Variants in C12orf50 observed in about 807,000 individuals in gnomAD.
C12orf50 encodes the protein zinc finger CCCH-type containing 11D.
In C12orf50, 35 loss-of-function variants were observed where a neutral mutation model predicts 61.6. The observed-to-expected ratio is 0.57, with a 90% CI of 0.43 to 0.75. C12orf50 has a LOEUF of 0.75. Among genes scored for constraint, C12orf50 ranks in the 30% least tolerant of loss-of-function variants. The pLI, the probability that C12orf50 is intolerant of heterozygous loss-of-function variation, is 0.00. For synonymous variants in C12orf50, 178 were observed against 161.5 expected (o/e 1.10, Z -0.77); for missense variants, 475 against 488.5 (o/e 0.97, Z 0.26).
At chr12:87,986,141 C>G in intron 10 of C12orf50, 88 bp from the exon 11 acceptor site, 1 of 1,443,728 alleles carries the variant, frequency 6.9e-7, no homozygotes, top group East Asian at 2.3e-5. Context: ...TACTTCATAG[C>G]ATAATGGAAG....
chr12:88,006,988 C>G (rs76119994), intron 3 of C12orf50, among the ~76,000 whole-genome samples: 7,576 of 152,198 alleles, frequency 0.05, 603 homozygotes, highest in African/African-American at 0.17. Flanking sequence ...GCCCTTAGGA[C>G]AATTTCTTAA....
chr12:87,997,380 C>T (rs2031443202), intron 4 of C12orf50, among the ~76,000 whole-genome samples: 1 of 151,564 alleles, frequency 6.6e-6, no homozygotes, highest in Non-Finnish European at 1.5e-5. Context: ...CTATAAGCAT[C>T]TGTAGATATA....
At chr12:87,995,768 G>T (rs946570241) in intron 6 of C12orf50, among the ~76,000 whole-genome samples, 2 of 152,022 alleles carry the variant, frequency 1.3e-5, no homozygotes, top group Admixed American at 6.6e-5. Context: ...GCTCTTCTCC[G>T]TCTGATGGTG....
intron 6 of C12orf50, among the ~76,000 whole-genome samples, chr12:87,995,283 A>C (rs987095305): frequency 6.6e-6 from 1 of 152,146 alleles, no homozygotes; most frequent in Non-Finnish European, 1.5e-5. Context: ...TAGGGGAAAA[A>C]ATTTATTTTA....
intron 12 of C12orf50, among the ~76,000 whole-genome samples, chr12:87,981,926 C>T (rs111783125): frequency 0.012 from 1,755 of 152,222 alleles, 16 homozygotes; most frequent in Non-Finnish European, 0.018. Context: ...ACAGCCATAC[C>T]TCTATGCATT....
intron 3 of C12orf50, among the ~76,000 whole-genome samples, chr12:88,025,502 G>T (rs183882118): frequency 3.8e-4 from 58 of 152,272 alleles, no homozygotes; most frequent in Non-Finnish European, 6.6e-4. Flanking sequence ...AGTGTTATTG[G>T]CAGTCAGCAG....
In C12orf50 at chr12:87,989,343, G is replaced by A. The variant is rs144364566; in HGVS notation, c.621C>T (p.Val207=). 1.4e-3 allele frequency: 2,241 copies of A among 1,611,656 alleles called. 5 individuals carry two copies. Among genetic ancestry groups the A allele is most frequent in the Non-Finnish European group, 1.8e-3 (2,144 of 1,178,600 alleles). The change falls in exon 8 of 13, where the codon GTC becomes GTT. Residue 207 remains valine, a synonymous_variant. Coordinates refer to ENST00000298699, the MANE Select transcript of C12orf50 (RefSeq NM_152589.3). ...CACTTTCATCGACTCCAAGAAATAT[G>A]ACCCTCTGTGGAACATAACAGTCAC... ...GGGDCYVPQR[V]IFLGVDESEA...
At chr12:87,995,200 T>C (rs2031327520) in intron 6 of C12orf50, among the ~76,000 whole-genome samples, 1 of 152,114 alleles carries the variant, frequency 6.6e-6, no homozygotes, top group Non-Finnish European at 1.5e-5. Flanking sequence ...TCTTCTAAAA[T>C]AAACTATTAA....
At chr12:88,025,549 C>T (rs2032669822) in intron 3 of C12orf50, among the ~76,000 whole-genome samples, 1 of 152,128 alleles carries the variant, frequency 6.6e-6, no homozygotes. Context: ...ATGAATTTAA[C>T]CCAACCAGCA....
intron 3 of C12orf50, among the ~76,000 whole-genome samples, chr12:88,019,078 C>T (rs1179715829): frequency 6.6e-6 from 1 of 151,906 alleles, no homozygotes; most frequent in African/African-American, 2.4e-5. Flanking sequence ...TGGGAGGGGC[C>T]AGGGATGGAA....
At position 88,021,692 on chromosome 12, in the gene C12orf50, T is replaced by C. The variant is rs148673180; in HGVS notation, c.133+4796A>G. 6.7e-4 allele frequency among the ~76,000 whole-genome samples: 102 copies of C among 151,288 alleles called. 1 individual carries two copies. The highest frequency in any genetic ancestry group is 1.0e-4 in the Non-Finnish European group (7 of 67,836). On this transcript the variant is annotated intron_variant, in intron 3 of 12. Transcript: ENST00000298699. ...CTGACCCCACAGAAATACAAAAACC[T>C]ATCAGACACTACTATAAACACCTCT...
intron 7 of C12orf50, among the ~76,000 whole-genome samples, chr12:87,989,719 G>A (rs1158028704): frequency 6.6e-6 from 1 of 151,890 alleles, no homozygotes; most frequent in Non-Finnish European, 1.5e-5. Context: ...TATTAAAGCA[G>A]TTTCCATATT....
At chr12:88,023,326 C>T (rs1235260842) in intron 3 of C12orf50, among the ~76,000 whole-genome samples, 1 of 151,988 alleles carries the variant, frequency 6.6e-6, no homozygotes, top group Non-Finnish European at 1.5e-5. Flanking sequence ...GGAAACTGAA[C>T]CCCTACCTTA....
In C12orf50 at chr12:87,994,564, A is replaced by C. The variant is rs892768251; in HGVS notation, c.592+69T>G. ...GACAAAAAAAGAAAATTAGTTGTAAAAGATAAAATTCAGACTCATTTATTA... is the reference window on the plus strand; with the variant it reads ...GACAAAAAAAGAAAATTAGTTGTAACAGATAAAATTCAGACTCATTTATTA... On this transcript the variant is annotated intron_variant, in intron 7 of 12. Transcript: ENST00000298699. 2.6e-6 allele frequency: 3 copies of C among 1,135,884 alleles called. No homozygotes were observed. The African/African-American group carries it at 4.7e-5, about 18-fold the overall frequency. The allele number at this position is 1,135,884 out of a possible 1,614,324, so 70.4% of individuals were successfully genotyped here.
intron 3 of C12orf50, among the ~76,000 whole-genome samples, chr12:87,998,646 T>C (rs1209889161): frequency 6.6e-6 from 1 of 152,190 alleles, no homozygotes; most frequent in Non-Finnish European, 1.5e-5. Flanking sequence ...AAAATCCCAA[T>C]GGACTTATTT....
At position 88,026,987 on chromosome 12, in the gene C12orf50, T is replaced by G. The variant is rs1324023292; in HGVS notation, c.-25A>C. ...TGTGTCTAAATCTGCAAAGTGGATC[T>G]AAACATTTCCTCTCTCTCCATAATG... On this transcript the variant is annotated 5_prime_UTR_variant, in exon 2 of 13. Coordinates refer to ENST00000298699, the MANE Select transcript of C12orf50 (RefSeq NM_152589.3). 1.9e-6 allele frequency: 3 copies of G among 1,613,922 alleles called. No individual in the cohort carries two copies. The African/African-American group carries it at 4.0e-5, about 22-fold the overall frequency.
chr12:88,026,749 T>C, intron 2 of C12orf50, 141 bp from the exon 3 acceptor site: 1 of 1,329,802 alleles, frequency 7.5e-7, no homozygotes, highest in Middle Eastern at 1.9e-4. Context: ...CAGCTTTCAG[T>C]GTTTCTAAGC....
chr12:88,020,144 C>T (rs1461176701), intron 3 of C12orf50, among the ~76,000 whole-genome samples: 2 of 152,136 alleles, frequency 1.3e-5, no homozygotes, highest in East Asian at 1.9e-4. Context: ...AGTGTGCACA[C>T]AAACCAGCTA....
intron 3 of C12orf50, among the ~76,000 whole-genome samples, chr12:88,004,869 T>C (rs1423715518): frequency 6.6e-6 from 1 of 152,092 alleles, no homozygotes; most frequent in Admixed American, 6.5e-5. Flanking sequence ...GAACAGACAC[T>C]GGGTCCAACT....
Sources: gnomAD v4.1 joint callset for allele counts (sites outside exome capture counted in the v4.1 genomes callset) on GRCh38, gnomAD v4.1.1 for gene constraint, MANE v1.5 for transcripts, NCBI Gene and HGNC (gene_info 2026-07-23, HGNC 2026-07-21) for gene names.